MSANTD3: variants seen among roughly 807,000 people sequenced by gnomAD.
MSANTD3 encodes the protein myb/SANT-like DNA-binding domain-containing protein 3.
MSANTD3 carries 11 observed loss-of-function variants against 27.7 expected under a neutral mutation model. That is an observed-to-expected ratio of 0.40 (90% CI 0.25 to 0.66). MSANTD3 has a LOEUF of 0.66. Among genes scored for constraint, MSANTD3 ranks in the 30% least tolerant of loss-of-function variants. The probability of loss-of-function intolerance (pLI) is 0.41; values close to 1 mark genes in which losing one functional copy is unlikely to be tolerated. For missense variants in MSANTD3, 250 were observed against 336.5 expected (o/e 0.74, Z 2.01); for synonymous variants, 131 against 127.2 (o/e 1.03, Z -0.20).
intron 1 of MSANTD3, among the ~76,000 whole-genome samples, chr9:100,437,778 A>G (rs1249732879): frequency 6.6e-6 from 1 of 152,200 alleles, no homozygotes; most frequent in Admixed American, 6.5e-5. Context: ...TTCTTCTGGT[A>G]CTTTATATAT....
At chr9:100,432,931 G>A (rs1836405961) in intron 1 of MSANTD3, among the ~76,000 whole-genome samples, 1 of 152,220 alleles carries the variant, frequency 6.6e-6, no homozygotes, top group Admixed American at 6.5e-5. Context: ...GGACTTTAGA[G>A]AATACCCCCT....
chr9:100,435,687 C>T (rs1033237131), intron 1 of MSANTD3, among the ~76,000 whole-genome samples: 32 of 152,186 alleles, frequency 2.1e-4, no homozygotes, highest in African/African-American at 7.5e-4. Flanking sequence ...TGTGTTCTTA[C>T]ATGACCTCCT....
intron 1 of MSANTD3, among the ~76,000 whole-genome samples, chr9:100,434,026 C>T (rs933351339): frequency 3.9e-5 from 6 of 152,126 alleles, no homozygotes; most frequent in African/African-American, 1.4e-4. Flanking sequence ...CCAGCCTATC[C>T]CACAATACAT....
intron 2 of MSANTD3, chr9:100,449,051 A>T (rs553396328): frequency 1.0e-6 from 1 of 985,210 alleles, no homozygotes; most frequent in Non-Finnish European, 1.2e-6. Context: ...AACGGAGTGG[A>T]CGTAATAATG....
rs147701093 is a variant in MSANTD3 at position 100,451,369 on chromosome 9, G to A, written c.*403G>A. On this transcript the variant is annotated 3_prime_UTR_variant, in exon 3 of 3. Transcript: ENST00000395067. ...GAACTTTTCTATCCAAATGAATGCCGTCCCATGGAAAGTGGCTGTCCTGGG... is the reference window on the plus strand; with the variant it reads ...GAACTTTTCTATCCAAATGAATGCCATCCCATGGAAAGTGGCTGTCCTGGG... The A allele has an allele frequency of 3.5e-3, 533 of 154,260 alleles. 1 individual carries two copies. The highest frequency in any genetic ancestry group is 5.7e-3 in the African/African-American group (229 of 39,978). The allele number at this position is 154,260 out of a possible 1,614,324, so 9.6% of individuals were successfully genotyped here.
At chr9:100,430,148 C>G (rs113319879) in intron 1 of MSANTD3, among the ~76,000 whole-genome samples, 18 of 150,450 alleles carry the variant, frequency 1.2e-4, no homozygotes, top group African/African-American at 4.4e-4. Flanking sequence ...TTGTAAGCTG[C>G]TTCAAACCCA....
At chr9:100,440,777 TCC>T (rs1836598379) in intron 1 of MSANTD3, among the ~76,000 whole-genome samples, 1 of 131,648 alleles carries the variant, frequency 7.6e-6, no homozygotes, top group South Asian at 2.6e-4. Flanking sequence ...TTCTTTTTCT[TCC>T]CTTTTTTTTT....
In MSANTD3 at chr9:100,442,100, C is replaced by T. The variant is rs147177992; in HGVS notation, c.162C>T (p.His54=). 21 of 1,614,168 alleles carry T rather than the reference C, an allele frequency of 1.3e-5. No individual in the cohort carries two copies. The highest frequency in any genetic ancestry group is 4.5e-5 in the East Asian group (2 of 44,884). Residue 54 remains histidine, a synonymous_variant, in exon 2 of 3, where the codon CAC becomes CAT. Transcript: ENST00000395067. The part of the protein sequence containing the change: ...LKQRTWQALA[H]EYNSQPSVSL... The stretch of plus-strand genomic sequence containing the variant: ...AGCGTACCTGGCAGGCGCTGGCCCA[C>T]GAATACAACTCTCAGCCCAGCGTGT...
At chr9:100,448,774 A>G (rs1421662835) in intron 2 of MSANTD3, 1 of 985,288 alleles carries the variant, frequency 1.0e-6, no homozygotes, top group Non-Finnish European at 1.2e-6. Flanking sequence ...CTTTGAGGCC[A>G]GAGCTGTCTC....
intron 1 of MSANTD3, among the ~76,000 whole-genome samples, chr9:100,431,703 A>G (rs1196848356): frequency 6.6e-6 from 1 of 152,202 alleles, no homozygotes; most frequent in Non-Finnish European, 1.5e-5. Context: ...GCTCACCGTC[A>G]GATAGGGAGA....
intron 1 of MSANTD3, among the ~76,000 whole-genome samples, chr9:100,435,174 G>A (rs542172215): frequency 1.3e-5 from 2 of 152,304 alleles, no homozygotes; most frequent in South Asian, 4.1e-4. Context: ...CACAGATGAA[G>A]CATTAGAGGT....
At chr9:100,430,774 G>A (rs1450647705) in intron 1 of MSANTD3, among the ~76,000 whole-genome samples, 2 of 152,164 alleles carry the variant, frequency 1.3e-5, no homozygotes, top group African/African-American at 2.4e-5. Flanking sequence ...TTCTGCTTTG[G>A]GAAGCCAAGT....
At chr9:100,448,621 C>T (rs1836814028) in intron 2 of MSANTD3, 1 of 985,398 alleles carries the variant, frequency 1.0e-6, no homozygotes, top group Non-Finnish European at 1.2e-6. Flanking sequence ...AGGCCCTGTG[C>T]TGGGTTCTCC....
Position 100,451,103 on chromosome 9 carries a change from A to G in MSANTD3, c.*137A>G, listed in dbSNP as rs1046816951. 1.8e-5 allele frequency: 15 copies of G among 854,826 alleles called. No homozygotes were observed. The highest frequency in any genetic ancestry group is 2.7e-5 in the Non-Finnish European group (15 of 565,976). The allele number at this position is 854,826 out of a possible 1,614,324, so 53.0% of individuals were successfully genotyped here. On this transcript the variant is annotated 3_prime_UTR_variant, in exon 3 of 3. Coordinates refer to ENST00000395067, the MANE Select transcript of MSANTD3 (RefSeq NM_080655.3). ...GTAGTAGTCACTTATTTAAGAATTC[A>G]TTCAGGTAAACAGCTGCACCCTCTG...
intron 2 of MSANTD3, among the ~76,000 whole-genome samples, chr9:100,450,126 G>T (rs1278762214): frequency 2.0e-5 from 3 of 152,152 alleles, no homozygotes; most frequent in African/African-American, 7.2e-5. Flanking sequence ...ACATATACGT[G>T]TTCATAGCTG....
chr9:100,431,090 C>T (rs1327207695), intron 1 of MSANTD3, among the ~76,000 whole-genome samples: 1 of 151,858 alleles, frequency 6.6e-6, no homozygotes, highest in Non-Finnish European at 1.5e-5. Flanking sequence ...GCAACTTCCA[C>T]CTCCCGGGTT....
At chr9:100,444,220 A>G (rs1397960759) in intron 2 of MSANTD3, 1 of 152,208 alleles carries the variant, frequency 6.6e-6, no homozygotes, top group African/African-American at 2.4e-5. Flanking sequence ...GCGTAACCAT[A>G]GTGGTTTATG....
At chr9:100,441,399 C>T (rs1296256585) in intron 1 of MSANTD3, among the ~76,000 whole-genome samples, 1 of 150,974 alleles carries the variant, frequency 6.6e-6, no homozygotes, top group Non-Finnish European at 1.5e-5. Flanking sequence ...TTTGGGAGGC[C>T]GAGGCAGGCA....
At chr9:100,428,385 T>TA (rs1445706904) in intron 1 of MSANTD3, among the ~76,000 whole-genome samples, 1 of 151,954 alleles carries the variant, frequency 6.6e-6, no homozygotes, top group Non-Finnish European at 1.5e-5. Context: ...GAATATTAAT[T>TA]AAAAAACATA....
Sources: gnomAD v4.1 joint callset for allele counts (sites outside exome capture counted in the v4.1 genomes callset) on GRCh38, gnomAD v4.1.1 for gene constraint, MANE v1.5 for transcripts, NCBI Gene and HGNC (gene_info 2026-07-23, HGNC 2026-07-21) for gene names.